EFHC2: variants seen among roughly 807,000 people sequenced by gnomAD.
EFHC2 encodes EF-hand domain-containing family member C2.
In EFHC2, 18 loss-of-function variants were observed where a neutral mutation model predicts 52.7. That is an observed-to-expected ratio of 0.34 (90% CI 0.24 to 0.51). EFHC2 has a LOEUF of 0.51. EFHC2 is among the 20% of genes least tolerant of loss of function. The pLI is 0.97. For synonymous variants in EFHC2, 203 were observed against 204.1 expected (o/e 0.99, Z 0.04); for missense variants, 513 against 562.5 (o/e 0.91, Z 0.89).
chrX:44,296,749 A>G (rs1319498210), intron 2 of EFHC2, among the ~76,000 whole-genome samples: 5 of 112,629 alleles, frequency 4.4e-5, no homozygotes, highest in Non-Finnish European at 7.5e-5. Flanking sequence ...TTGCTAAAAT[A>G]GAAGAGACAT....
At chrX:44,199,306 T>C (rs983622458) in intron 11 of EFHC2, among the ~76,000 whole-genome samples, 6 of 113,150 alleles carry the variant, frequency 5.3e-5, no homozygotes, top group African/African-American at 1.9e-4. Context: ...TCTGCCCTGA[T>C]TGTAAGCTTC....
intron 11 of EFHC2, among the ~76,000 whole-genome samples, chrX:44,206,481 C>T (rs1167552414): frequency 1.8e-5 from 2 of 111,997 alleles, no homozygotes; most frequent in African/African-American, 6.5e-5. Context: ...CTCCAATAGA[C>T]TCCTAGACAT....
At chrX:44,299,794 T>C (rs2037855169) in intron 2 of EFHC2, among the ~76,000 whole-genome samples, 1 of 111,946 alleles carries the variant, frequency 8.9e-6, no homozygotes, top group African/African-American at 3.3e-5. Flanking sequence ...ATTTTTGTTC[T>C]TGTTTTACCA....
chrX:44,251,193 C>T (rs747637824), intron 4 of EFHC2, among the ~76,000 whole-genome samples: 12 of 91,050 alleles, frequency 1.3e-4, no homozygotes, highest in African/African-American at 3.8e-4. Context: ...GAGCAGAGAT[C>T]GCGCCACTGC....
chrX:44,338,778 T>G (rs530223496), intron 1 of EFHC2, among the ~76,000 whole-genome samples: 2 of 111,097 alleles, frequency 1.8e-5, no homozygotes, highest in African/African-American at 6.5e-5. Flanking sequence ...TTTTTTTTAT[T>G]GCTGCAAATT....
chrX:44,251,155 T>C (rs1231351514), intron 4 of EFHC2, among the ~76,000 whole-genome samples: 87 of 94,596 alleles, frequency 9.2e-4, no homozygotes, highest in African/African-American at 3.3e-3. Context: ...AGGAGAATGG[T>C]GTGAACCCAG....
intron 11 of EFHC2, among the ~76,000 whole-genome samples, chrX:44,214,390 C>A (rs1466123433): frequency 1.8e-5 from 2 of 112,191 alleles, no homozygotes; most frequent in African/African-American, 6.5e-5. Flanking sequence ...AAATCTTACC[C>A]ATAGAGGAGC....
At chrX:44,187,351 A>G (rs1438861857) in intron 11 of EFHC2, among the ~76,000 whole-genome samples, 1 of 109,450 alleles carries the variant, frequency 9.1e-6, no homozygotes, top group Admixed American at 9.7e-5. Flanking sequence ...AGGTGTGAAC[A>G]TATTTTCATC....
At chrX:44,343,413 G>T (rs896758731) in intron 1 of EFHC2, 134 bp downstream of exon 1, 3 of 700,696 alleles carry the variant, frequency 4.3e-6, no homozygotes, top group Non-Finnish European at 6.5e-6. Context: ...TATAAAGTTT[G>T]GTCCAAGTTG....
At chrX:44,333,874 C>T (rs111273996) in intron 1 of EFHC2, among the ~76,000 whole-genome samples, 3,460 of 111,465 alleles carry the variant, frequency 0.031, 142 homozygotes, top group African/African-American at 0.11. Flanking sequence ...CCTCTCCTTC[C>T]TGCTTGTCTT....
At chrX:44,197,889 C>A (rs1278253077) in intron 11 of EFHC2, among the ~76,000 whole-genome samples, 2 of 112,150 alleles carry the variant, frequency 1.8e-5, no homozygotes, top group African/African-American at 6.5e-5. Flanking sequence ...CTCTGAGGAA[C>A]TACAAATTAG....
intron 2 of EFHC2, among the ~76,000 whole-genome samples, chrX:44,311,652 A>T (rs774668795): frequency 1.1e-4 from 12 of 111,904 alleles, no homozygotes; most frequent in Admixed American, 1.0e-3. Flanking sequence ...AACTGCCAAT[A>T]TGTCCATATG....
intron 2 of EFHC2, among the ~76,000 whole-genome samples, chrX:44,283,517 A>C (rs1256941278): frequency 2.0e-5 from 2 of 100,751 alleles, no homozygotes; most frequent in African/African-American, 3.8e-5. Context: ...AAGCACTTTG[A>C]CTCCACGGAA....
At chrX:44,321,720 C>T (rs753874332) in intron 1 of EFHC2, among the ~76,000 whole-genome samples, 27 of 111,477 alleles carry the variant, frequency 2.4e-4, no homozygotes, top group Non-Finnish European at 4.7e-4. Context: ...TGAGACTTGA[C>T]CCCCTGATTT....
intron 2 of EFHC2, among the ~76,000 whole-genome samples, chrX:44,312,002 A>G (rs746373906): frequency 8.9e-6 from 1 of 112,492 alleles, no homozygotes; most frequent in Non-Finnish European, 1.9e-5. Flanking sequence ...TTAGCCAAGA[A>G]AGATAAACAT....
intron 8 of EFHC2, 130 bp from the exon 9 acceptor site, chrX:44,235,577 T>A: frequency 1.7e-6 from 1 of 591,696 alleles, no homozygotes; most frequent in Non-Finnish European, 2.4e-6. Flanking sequence ...GTGAAAGAGT[T>A]CAACCATCGT....
Position 44,217,014 on chromosome X carries a change from C to A in EFHC2, c.1751+12635G>T, listed in dbSNP as rs189717493. Reference sequence around the variant, plus strand: ...CAGAATATATAAAAAGCTCAAACAACTTTATAGGGAAAAAATCTAATAATA... The same window carrying A: ...CAGAATATATAAAAAGCTCAAACAAATTTATAGGGAAAAAATCTAATAATA... On this transcript the variant is annotated intron_variant, in intron 11 of 14. Transcript: ENST00000420999. Among the ~76,000 whole-genome samples the A allele has an allele frequency of 3.6e-5, 4 of 111,745 alleles. No homozygotes were observed. The East Asian group carries it at 1.1e-3, about 31-fold the overall frequency.
chrX:44,237,481 AT>A (rs2037329071), intron 8 of EFHC2, among the ~76,000 whole-genome samples: 2 of 111,551 alleles, frequency 1.8e-5, no homozygotes, highest in Non-Finnish European at 3.8e-5. Flanking sequence ...CCCCAAACAA[AT>A]TATAAGTTCC....
At chrX:44,220,325 C>T (rs1350441843) in intron 11 of EFHC2, among the ~76,000 whole-genome samples, 1 of 111,708 alleles carries the variant, frequency 9.0e-6, no homozygotes, top group Non-Finnish European at 1.9e-5. Context: ...GAGTGGGGTC[C>T]TGTGACTAGT....
Sources: gnomAD v4.1 joint callset for allele counts (sites outside exome capture counted in the v4.1 genomes callset) on GRCh38, gnomAD v4.1.1 for gene constraint, MANE v1.5 for transcripts, NCBI Gene and HGNC (gene_info 2026-07-23, HGNC 2026-07-21) for gene names.